Variants in CCM2L observed in about 807,000 individuals in gnomAD.
The protein encoded by CCM2L is CCM2 like scaffold protein.
In CCM2L, 36 loss-of-function variants were observed where a neutral mutation model predicts 54.1. The observed-to-expected ratio is 0.67, with a 90% CI of 0.51 to 0.88. The LOEUF (loss-of-function observed/expected upper bound fraction) is 0.88, where lower values mean the gene tolerates loss of function less well. Among genes scored for constraint, CCM2L ranks in the 40% least tolerant of loss-of-function variants. CCM2L has a pLI of 0.00. For synonymous variants in CCM2L, 351 were observed against 359.3 expected (o/e 0.98, Z 0.26); for missense variants, 700 against 812.1 (o/e 0.86, Z 1.68).
intron 9 of CCM2L, among the ~76,000 whole-genome samples, chr20:32,030,096 GA>G (rs2064907213): frequency 6.6e-6 from 1 of 152,166 alleles, no homozygotes; most frequent in Non-Finnish European, 1.5e-5. Flanking sequence ...CTGCGAGAGG[GA>G]CTGATTCTTC....
At position 32,029,826 on chromosome 20, in the gene CCM2L, T is replaced by A; in HGVS notation, c.1390T>A (p.Phe464Ile). The change falls in exon 9 of 10, where the codon TTC (phenylalanine) becomes ATC (isoleucine). Residue 464 changes from phenylalanine (F) to isoleucine (I), a missense_variant. Phe to Ile is a conservative substitution (Grantham distance 21, BLOSUM62 0). Transcript: ENST00000452892. ...GAAGCTCTACGGAGACCGGCGCAAG[T>A]TCCTCCTCCTTGGTGAGCCCCCGCT... ...LLKLYGDRRKFLLLGMRPFIP... is the reference protein window; with the variant it reads ...LLKLYGDRRKILLLGMRPFIP... The A allele has an allele frequency of 6.2e-7, 1 of 1,603,734 alleles. No individual in the cohort carries two copies. The highest frequency in any genetic ancestry group is 8.5e-7 in the Non-Finnish European group (1 of 1,173,702).
Position 32,017,882 on chromosome 20 carries a change from G to C in CCM2L, c.281G>C (p.Arg94Thr). 6.2e-7 allele frequency: 1 copy of C among 1,614,016 alleles called. No individual in the cohort carries two copies. Among genetic ancestry groups the C allele is most frequent in the Non-Finnish European group, 8.5e-7 (1 of 1,180,010 alleles). ...CTCCTGCAGCTGCTAGACACCGCCA[G>C]GGTGAGACTCTGGGGAGGGAGGAGG... ...DELLQLLDTA[R>T]QLKELPLKTT... The change falls in exon 3 of 10, where the codon AGG becomes ACG. Residue 94 changes from arginine to threonine, a missense_variant and splice_region_variant. Coordinates refer to ENST00000452892, the MANE Select transcript of CCM2L (RefSeq NM_001365692.1).
Position 32,025,856 on chromosome 20 carries a change from G to C in CCM2L, c.1070G>C (p.Ser357Thr). 1.5e-6 allele frequency: 2 copies of C among 1,303,866 alleles called. No homozygotes were observed. Among genetic ancestry groups the C allele is most frequent in the Non-Finnish European group, 2.0e-6 (2 of 988,924 alleles). The allele number at this position is 1,303,866 out of a possible 1,614,324, so 80.8% of individuals were successfully genotyped here. ...CAGTCCCTCTGTCTGCTGGTCCCAG[G>C]TGAGAGCTGCCACACAGATGGGACG... Reference protein sequence around the residue: ...TPERPWLCSRSESCHTDGTYA... With the variant: ...TPERPWLCSRTESCHTDGTYA... The change falls in exon 7 of 10, where the codon AGT becomes ACT. Residue 357 changes from serine to threonine, a missense_variant and splice_region_variant. Coordinates refer to ENST00000452892, the MANE Select transcript of CCM2L (RefSeq NM_001365692.1).
Position 32,023,920 on chromosome 20 carries a change from G to A in CCM2L, c.1069+1125G>A, listed in dbSNP as rs137855023. On this transcript the variant is annotated intron_variant, in intron 6 of 9. Transcript: ENST00000452892. ...TAATTTTTGTATTTTTAGTAGAGACGGGGTTTCACCATGTTAGTTGGCCAG... is the reference window on the plus strand; with the variant it reads ...TAATTTTTGTATTTTTAGTAGAGACAGGGTTTCACCATGTTAGTTGGCCAG... Among the ~76,000 whole-genome samples, 681 of 152,184 alleles carry A rather than the reference G, an allele frequency of 4.5e-3. 15 individuals are homozygous for A. The highest frequency in any genetic ancestry group is 0.038 in the East Asian group (199 of 5,180).
Position 32,018,283 on chromosome 20 carries a change from G to A in CCM2L, c.466+121G>A, listed in dbSNP as rs1005170689. On this transcript the variant is annotated intron_variant, in intron 4 of 9. Transcript: ENST00000452892. ...AGGTGTGCGGATGGAGAAGGAGAGG[G>A]ACCTGCGGCGGGGGCAGAGGAGATG... The A allele has an allele frequency of 5.9e-5, 47 of 797,220 alleles. No individual in the cohort carries two copies. In the African/African-American group the frequency reaches 7.0e-4, roughly 12 times the overall value. The allele number at this position is 797,220 out of a possible 1,614,324, so 49.4% of individuals were successfully genotyped here.
chr20:32,025,737 T>C (rs895571770), intron 6 of CCM2L, 119 bp from the exon 7 acceptor site: 2 of 588,068 alleles, frequency 3.4e-6, no homozygotes, highest in Non-Finnish European at 5.6e-6. Context: ...GTCTGTTGTG[T>C]GTTGGTGTCA....
chr20:32,028,426 T>C (rs1216208124), intron 7 of CCM2L: 1 of 142,510 alleles, frequency 7.0e-6, no homozygotes. Flanking sequence ...AGAGCAAGAA[T>C]CTGTCTCAAA....
At position 32,029,051 on chromosome 20, in the gene CCM2L, T is replaced by C; in HGVS notation, c.1190T>C (p.Phe397Ser). The C allele has an allele frequency of 6.2e-7, 1 of 1,614,122 alleles. No homozygotes were observed. The highest frequency in any genetic ancestry group is 2.2e-5 in the East Asian group (1 of 44,882). The change falls in exon 8 of 10, where the codon TTC (phenylalanine) becomes TCC (serine). Residue 397 changes from phenylalanine to serine, a missense_variant. Phe to Ser is a radical substitution (Grantham distance 155, BLOSUM62 -2). Transcript: ENST00000452892. ...ACYSGTSTPS[F>S]HGSHCSGSDH... ...TACAGCGGCACGTCCACACCTTCTTTCCATGGCTCCCACTGCAGCGGCAGC... is the reference window on the plus strand; with the variant it reads ...TACAGCGGCACGTCCACACCTTCTTCCCATGGCTCCCACTGCAGCGGCAGC...
intron 5 of CCM2L, among the ~76,000 whole-genome samples, chr20:32,021,070 T>C (rs919018819): frequency 4.0e-5 from 6 of 151,660 alleles, no homozygotes; most frequent in African/African-American, 1.5e-4. Flanking sequence ...CATGTGGTCA[T>C]CCTCTGACTG....
At chr20:32,014,263 T>TATA (rs367825984) in intron 1 of CCM2L, among the ~76,000 whole-genome samples, 3,473 of 104,674 alleles carry the variant, frequency 0.033, 52 homozygotes, top group African/African-American at 0.075. Context: ...ATATATATAT[T>TATA]TTTTTTTTTT....
At chr20:32,028,908 T>A in intron 7 of CCM2L, 87 bp from the exon 8 acceptor site, 1 of 1,552,294 alleles carries the variant, frequency 6.4e-7, no homozygotes, top group Non-Finnish European at 8.8e-7. Flanking sequence ...CAGCATGCAG[T>A]CTAGGATGAG....
rs1352166661 is a variant in CCM2L, at chr20:32,014,888, C to T, written c.31-16C>T. 1.2e-5 allele frequency: 19 copies of T among 1,583,410 alleles called. No individual in the cohort carries two copies. The highest frequency in any genetic ancestry group is 1.6e-5 in the Non-Finnish European group (19 of 1,167,344). ...GCAGCCACTGTTATCACTCTCATTC[C>T]TCCTCTCCTCCCCAGGGCTTTGTAT... On this transcript the variant is annotated splice_polypyrimidine_tract_variant and intron_variant, in intron 1 of 9. Coordinates refer to ENST00000452892, the MANE Select transcript of CCM2L (RefSeq NM_001365692.1).
At chr20:32,021,914 G>A (rs1293796704) in intron 5 of CCM2L, among the ~76,000 whole-genome samples, 3 of 152,114 alleles carry the variant, frequency 2.0e-5, no homozygotes, top group Admixed American at 6.6e-5. Context: ...CCTGGGTTAC[G>A]TTTTAATTTA....
At chr20:32,016,413 G>A (rs1568912119) in intron 2 of CCM2L, among the ~76,000 whole-genome samples, 2 of 152,140 alleles carry the variant, frequency 1.3e-5, no homozygotes, top group South Asian at 2.1e-4. Context: ...TTAGGAGGCC[G>A]AGGCGGGTGA....
chr20:32,031,369 G>A lies in CCM2L; in HGVS notation c.*55G>A. ...CAGCCCACCTCTGAGTCTCAGCTTT[G>A]CTTCGGGGACCCTATCCCCAGGGCC... is the stretch of plus-strand genomic sequence containing the variant. On this transcript the variant is annotated 3_prime_UTR_variant, in exon 10 of 10. Transcript: ENST00000452892. 3 of 1,214,282 alleles carry A rather than the reference G, an allele frequency of 2.5e-6. No individual in the cohort carries two copies. The highest frequency in any genetic ancestry group is 3.2e-5 in the African/African-American group (2 of 62,866). The allele number at this position is 1,214,282 out of a possible 1,614,324, so 75.2% of individuals were successfully genotyped here.
In CCM2L at chr20:32,020,102, A is replaced by C. The variant is rs527931010; in HGVS notation, c.933+693A>C. Among the ~76,000 whole-genome samples the C allele has an allele frequency of 7.9e-5, 12 of 152,352 alleles. 2 individuals carry two copies. The highest frequency in any genetic ancestry group is 2.9e-4 in the African/African-American group (12 of 41,562). ...GCAATGGGCTAGGTGCTATGGATAC[A>C]GACGTGAAAAAGACATCTGGTGTCC... On this transcript the variant is annotated intron_variant, in intron 5 of 9. Coordinates refer to ENST00000452892, the MANE Select transcript of CCM2L (RefSeq NM_001365692.1).
Position 32,031,086 on chromosome 20 carries a change from C to T in CCM2L, c.1488C>T (p.Leu496=), listed in dbSNP as rs1007484682. 3.1e-6 allele frequency: 4 copies of T among 1,304,162 alleles called. No homozygotes were observed. The highest frequency in any genetic ancestry group is 3.0e-5 in the African/African-American group (2 of 65,882). The allele number at this position is 1,304,162 out of a possible 1,614,324, so 80.8% of individuals were successfully genotyped here. A position where few individuals can be genotyped will look rare whatever the true frequency, so the allele number is the denominator to read the frequency against. ...EGVGIREGGI[L]TDSFGRIKRS... ...TGGGCATCCGCGAGGGCGGCATCCTCACTGACAGCTTCGGCCGCATCAAGC... is the reference window on the plus strand; with the variant it reads ...TGGGCATCCGCGAGGGCGGCATCCTTACTGACAGCTTCGGCCGCATCAAGC... Residue 496 remains leucine (L), a synonymous_variant, in exon 10 of 10, where the codon CTC becomes CTT. Transcript: ENST00000452892.
intron 5 of CCM2L, among the ~76,000 whole-genome samples, chr20:32,021,410 C>G (rs1472269792): frequency 4.6e-5 from 7 of 152,112 alleles, no homozygotes; most frequent in South Asian, 2.1e-4. Context: ...AATCCCAACA[C>G]TTTGGGAGGC....
intron 1 of CCM2L, among the ~76,000 whole-genome samples, chr20:32,013,068 G>A (rs1600670730): frequency 3.3e-5 from 5 of 152,274 alleles, no homozygotes; most frequent in Admixed American, 3.3e-4. Flanking sequence ...GGAGGCCAAG[G>A]CAGGAGAATC....
Sources: allele counts gnomAD v4.1 joint callset (sites outside exome capture counted in the v4.1 genomes callset), GRCh38; gene constraint gnomAD v4.1.1; transcripts MANE v1.5; gene names NCBI Gene and HGNC (gene_info 2026-07-23, HGNC 2026-07-21).